The following INTS6L variants were observed in gnomAD, a reference collection of about 807,000 sequenced individuals.
The protein encoded by INTS6L is integrator complex subunit 6 like.
A neutral mutation model predicts 64.7 loss-of-function variants in INTS6L; 18 were observed. That is an observed-to-expected ratio of 0.28 (90% CI 0.19 to 0.41). INTS6L has a LOEUF of 0.41. Among genes scored for constraint, INTS6L ranks in the 10% least tolerant of loss-of-function variants. The pLI is 1.00. For synonymous variants in INTS6L, 227 were observed against 235.9 expected, an observed-to-expected ratio of 0.96 and a Z score of 0.34; for missense variants, 533 against 661.0, an observed-to-expected ratio of 0.81 and a Z score of 2.12.
intron 2 of INTS6L, among the ~76,000 whole-genome samples, chrX:135,540,158 T>TA (rs1556511894): frequency 9.0e-6 from 1 of 111,619 alleles, no homozygotes; most frequent in Non-Finnish European, 1.9e-5. Context: ...CCAATATACA[T>TA]AATGTGTGGA....
chrX:135,549,165 CT>C, intron 6 of INTS6L, among the ~76,000 whole-genome samples: 1 of 112,169 alleles, frequency 8.9e-6, no homozygotes, highest in East Asian at 2.8e-4. Context: ...GCAAAGAACA[CT>C]TTTTTCTTGT....
At chrX:135,523,929 C>T (rs2085661438) in intron 2 of INTS6L, among the ~76,000 whole-genome samples, 1 of 111,684 alleles carries the variant, frequency 9.0e-6, no homozygotes, top group South Asian at 3.6e-4. Context: ...AATTATTAAT[C>T]GTTGGTTATC....
chrX:135,545,333 T>TA (rs1556514553), intron 2 of INTS6L, 90 bp from the exon 3 acceptor site: 2 of 1,080,885 alleles, frequency 1.9e-6, no homozygotes, highest in African/African-American at 3.8e-5. Flanking sequence ...GTTAATTTCT[T>TA]AGAGTTTTGA....
At position 135,581,623 on chromosome X, in the gene INTS6L, G is replaced by C; in HGVS notation, c.2684G>C (p.Arg895Thr). 1 of 1,206,385 alleles carries C rather than the reference G, an allele frequency of 8.3e-7. No homozygotes were observed. The highest frequency in any genetic ancestry group is 3.0e-5 in the East Asian group (1 of 33,762). The change falls in exon 18 of 18, where the codon AGA (arginine) becomes ACA (threonine). Residue 895 changes from arginine to threonine, a missense_variant. Transcript: ENST00000639893. ...LHNNISHINS[R>T]SSC The stretch of plus-strand genomic sequence containing the variant: ...AACAACATTAGTCACATCAACAGCA[G>C]ATCATCATGTTAGTGCAAAGACCAG...
At chrX:135,550,163 T>C (rs1227557518) in intron 7 of INTS6L, among the ~76,000 whole-genome samples, 3 of 112,304 alleles carry the variant, frequency 2.7e-5, no homozygotes, top group African/African-American at 9.7e-5. Flanking sequence ...CTGGCCTTGG[T>C]TTTCATGCAC....
chrX:135,581,148 G>A lies in INTS6L; in HGVS notation c.2588+5G>A, dbSNP rs782349534. 8.6e-7 allele frequency: 1 copy of A among 1,167,582 alleles called. No individual in the cohort carries two copies. The highest frequency in any genetic ancestry group is 1.1e-6 in the Non-Finnish European group (1 of 871,361). On this transcript the variant is annotated splice_donor_5th_base_variant and intron_variant, in intron 17 of 17. Transcript: ENST00000639893. ...TACCATCAAGGAAGCCGCAAGGTAG[G>A]TATAAACAGGAACTCTTCAATTTTT...
At position 135,520,956 on chromosome X, in the gene INTS6L, G is replaced by T. The variant is rs1304404194; in HGVS notation, c.-37G>T. On this transcript the variant is annotated 5_prime_UTR_variant, in exon 1 of 18. Transcript: ENST00000639893. ...ACGCGGCAGTGAGGGCAAGAGGGCCGGGAGAGTGGGGAGCGGAGGCAGGAG... is the reference window on the plus strand; with the variant it reads ...ACGCGGCAGTGAGGGCAAGAGGGCCTGGAGAGTGGGGAGCGGAGGCAGGAG... 2 of 1,183,666 alleles carry T rather than the reference G, an allele frequency of 1.7e-6. No individual in the cohort carries two copies. The highest frequency in any genetic ancestry group is 3.6e-5 in the South Asian group (2 of 55,384).
At chrX:135,545,357 G>A in intron 2 of INTS6L, 66 bp from the exon 3 acceptor site, 1 of 1,149,845 alleles carries the variant, frequency 8.7e-7, no homozygotes, top group Non-Finnish European at 1.2e-6. Context: ...TTGCTGTTTA[G>A]TGATTGTACT....
intron 9 of INTS6L, among the ~76,000 whole-genome samples, chrX:135,562,547 G>C (rs2086819782): frequency 1.8e-5 from 2 of 111,821 alleles, no homozygotes; most frequent in African/African-American, 6.5e-5. Flanking sequence ...CTATATCCTT[G>C]TTGATTTTCT....
At chrX:135,552,842 G>C (rs782736677) in intron 8 of INTS6L, among the ~76,000 whole-genome samples, 1 of 112,435 alleles carries the variant, frequency 8.9e-6, no homozygotes, top group South Asian at 3.7e-4. Context: ...AAAGATGTAT[G>C]TTCTATTTCT....
At chrX:135,571,359 G>A (rs1473998417) in intron 11 of INTS6L, 1 of 112,435 alleles carries the variant, frequency 8.9e-6, no homozygotes, top group Admixed American at 9.4e-5. Context: ...CCAGGTAGGG[G>A]ACAATAGTAG....
chrX:135,556,889 T>C (rs1232716624), intron 9 of INTS6L, among the ~76,000 whole-genome samples: 2 of 112,134 alleles, frequency 1.8e-5, no homozygotes, highest in African/African-American at 6.5e-5. Flanking sequence ...TAGTACTTAC[T>C]GCACAGTATC....
intron 14 of INTS6L, among the ~76,000 whole-genome samples, chrX:135,575,668 C>T (rs1438839505): frequency 8.9e-6 from 1 of 112,017 alleles, no homozygotes; most frequent in Non-Finnish European, 1.9e-5. Context: ...TTTCCTGTTT[C>T]CATGATTCAT....
At chrX:135,527,232 G>C (rs1556501816) in intron 2 of INTS6L, among the ~76,000 whole-genome samples, 1 of 111,892 alleles carries the variant, frequency 8.9e-6, no homozygotes, top group African/African-American at 3.3e-5. Flanking sequence ...GTAGTGACAT[G>C]ATCAAAATGG....
intron 2 of INTS6L, among the ~76,000 whole-genome samples, chrX:135,540,265 G>A (rs1386915635): frequency 9.0e-6 from 1 of 111,728 alleles, no homozygotes; most frequent in Non-Finnish European, 1.9e-5. Flanking sequence ...AAGTTACCTC[G>A]CTTTCCCAAG....
chrX:135,525,952 C>G (rs1556500873), intron 2 of INTS6L, among the ~76,000 whole-genome samples: 1 of 111,881 alleles, frequency 8.9e-6, no homozygotes, highest in South Asian at 3.7e-4. Flanking sequence ...TGGCATGCAG[C>G]AATAATTATT....
intron 2 of INTS6L, among the ~76,000 whole-genome samples, chrX:135,522,989 AAGAACCGACCATTTGT>A (rs2085628623): frequency 8.9e-6 from 1 of 112,307 alleles, no homozygotes; most frequent in Non-Finnish European, 1.9e-5. Context: ...TAATACAGAT[AAGAACCGACCATTTGT>A]AGTGTGGCCA....
Position 135,573,956 on chromosome X carries a change from A to T in INTS6L, c.1635A>T (p.Thr545=). The T allele has an allele frequency of 8.3e-7, 1 of 1,199,935 alleles. No individual in the cohort carries two copies. The highest frequency in any genetic ancestry group is 1.1e-6 in the Non-Finnish European group (1 of 891,543). ...GLLNKDLKPQ[T]YRNAYDIPRR... The stretch of plus-strand genomic sequence containing the variant: ...TCAAATAGGATTTGAAACCTCAGAC[A>T]TACAGAAATGCTTATGATATTCCCC... Residue 545 remains threonine (T), a synonymous_variant, in exon 13 of 18, where the codon ACA becomes ACT. Coordinates refer to ENST00000639893, the MANE Select transcript of INTS6L (RefSeq NM_001351601.3).
intron 2 of INTS6L, among the ~76,000 whole-genome samples, chrX:135,538,565 T>G (rs2086113549): frequency 8.9e-6 from 1 of 112,073 alleles, no homozygotes; most frequent in Non-Finnish European, 1.9e-5. Context: ...CCTCCTCCCA[T>G]GAATCACGAA....
Sources: allele counts gnomAD v4.1 joint callset (sites outside exome capture counted in the v4.1 genomes callset), GRCh38; gene constraint gnomAD v4.1.1; transcripts MANE v1.5; gene names NCBI Gene and HGNC (gene_info 2026-07-23, HGNC 2026-07-21).